Variants in EDA observed in about 807,000 individuals in gnomAD.
EDA encodes ectodysplasin A.
EDA carries 2 observed loss-of-function variants against 23.6 expected under a neutral mutation model. The observed-to-expected ratio is 0.08, with a 90% CI of 0.03 to 0.27. The LOEUF is 0.27. EDA is among the 10% of genes least tolerant of loss of function. EDA has a pLI of 1.00. For missense variants in EDA, 229 were observed against 324.2 expected (o/e 0.71, Z 2.26); for synonymous variants, 131 against 132.0 (o/e 0.99, Z 0.05).
chrX:69,913,015 G>C (rs1202788189), intron 1 of EDA, among the ~76,000 whole-genome samples: 1 of 111,262 alleles, frequency 9.0e-6, no homozygotes, highest in Admixed American at 9.6e-5. Context: ...TGATCTAACT[G>C]CCTCAGCCTC....
intron 1 of EDA, among the ~76,000 whole-genome samples, chrX:69,873,677 T>G (rs763865768): frequency 8.9e-6 from 1 of 111,771 alleles, no homozygotes; most frequent in Non-Finnish European, 1.9e-5. Context: ...AGAATTGAAA[T>G]GATAATTTAA....
chrX:70,014,388 C>T (rs979435878), intron 2 of EDA, among the ~76,000 whole-genome samples: 1 of 112,767 alleles, frequency 8.9e-6, no homozygotes, highest in East Asian at 2.8e-4. Flanking sequence ...GAAGACCTAG[C>T]GCAAAGCCTC....
At chrX:69,816,168 G>A (rs755613992) in intron 1 of EDA, among the ~76,000 whole-genome samples, 1 of 111,413 alleles carries the variant, frequency 9.0e-6, no homozygotes, top group South Asian at 3.9e-4. Context: ...CAACAAAAAG[G>A]ACCCCACAAA....
chrX:69,933,600 C>T (rs185782356), intron 1 of EDA, among the ~76,000 whole-genome samples: 89 of 110,732 alleles, frequency 8.0e-4, no homozygotes, highest in African/African-American at 2.9e-3. Context: ...TCGCTTGAAC[C>T]CGGGAGGCAG....
At chrX:69,654,201 C>T (rs1933213300) in intron 1 of EDA, among the ~76,000 whole-genome samples, 1 of 111,972 alleles carries the variant, frequency 8.9e-6, no homozygotes, top group South Asian at 3.7e-4. Context: ...AAAAAATGCT[C>T]ATCATCACTG....
intron 7 of EDA, 141 bp from the exon 8 acceptor site, chrX:70,035,217 G>A (rs945602235): frequency 3.9e-5 from 27 of 687,721 alleles, no homozygotes; most frequent in Non-Finnish European, 5.9e-5. Context: ...TGGCCAGCTA[G>A]CACGCCTTCA....
At chrX:69,817,026 C>A (rs965486938) in intron 1 of EDA, among the ~76,000 whole-genome samples, 1 of 111,513 alleles carries the variant, frequency 9.0e-6, no homozygotes, top group African/African-American at 3.3e-5. Flanking sequence ...TCAGTGGAAA[C>A]CCTAAAAAGC....
At chrX:69,842,795 G>A in intron 1 of EDA, among the ~76,000 whole-genome samples, 1 of 111,124 alleles carries the variant, frequency 9.0e-6, no homozygotes, top group East Asian at 2.8e-4. Context: ...AACAAGATCT[G>A]GTTGTGTAAA....
intron 1 of EDA, among the ~76,000 whole-genome samples, chrX:69,704,672 G>T: frequency 9.1e-6 from 1 of 110,118 alleles, no homozygotes; most frequent in Non-Finnish European, 1.9e-5. Context: ...GATAAGGTGG[G>T]GACTACTGTA....
In EDA at chrX:69,749,882, T is replaced by C. The variant is rs1213286037; in HGVS notation, c.396+133178T>C. 2.8e-5 allele frequency: 3 copies of C among 107,021 alleles called. 1 individual carries two copies. The Admixed American group carries it at 3.0e-4, about 11-fold the overall frequency. 8.8% of individuals were successfully genotyped at this position (107,021 alleles called of 1,213,427 possible). ...GAAGTTCATTATGAATCCCAATGTG[T>C]CTTTTAGAAACTTTTTAGAAACTTC... On this transcript the variant is annotated intron_variant, in intron 1 of 7. Transcript: ENST00000374552.
chrX:69,751,143 G>T (rs371967316), intron 1 of EDA, among the ~76,000 whole-genome samples: 25 of 109,016 alleles, frequency 2.3e-4, no homozygotes, highest in South Asian at 3.9e-4. Flanking sequence ...TCTTCTAGGG[G>T]TTTTATGGTT....
intron 1 of EDA, among the ~76,000 whole-genome samples, chrX:69,843,761 G>A (rs1444374459): frequency 9.0e-6 from 1 of 111,342 alleles, no homozygotes; most frequent in African/African-American, 3.3e-5. Flanking sequence ...GGTGGCTCAC[G>A]CCTGTAATCC....
intron 1 of EDA, among the ~76,000 whole-genome samples, chrX:69,756,090 C>T (rs2014106608): frequency 8.9e-6 from 1 of 112,236 alleles, no homozygotes; most frequent in Admixed American, 9.4e-5. Context: ...AAGCGGGTAC[C>T]TCAGTTGGAA....
chrX:69,616,141 C>T lies in EDA; in HGVS notation c.-168C>T. On this transcript the variant is annotated 5_prime_UTR_variant, in exon 1 of 8. Coordinates refer to ENST00000374552, the MANE Select transcript of EDA (RefSeq NM_001399.5). ...TTTCCCACCCCTCGGAGTAGAGCTGCACATGCGGCTGCTCCCTGCTCCGTC... is the reference window on the plus strand; with the variant it reads ...TTTCCCACCCCTCGGAGTAGAGCTGTACATGCGGCTGCTCCCTGCTCCGTC... The T allele has an allele frequency of 2.1e-6, 1 of 484,953 alleles. No homozygotes were observed. Among genetic ancestry groups the T allele is most frequent in the Non-Finnish European group, 3.4e-6 (1 of 293,539 alleles). 40.0% of individuals were successfully genotyped at this position (484,953 alleles called of 1,213,427 possible).
Position 69,679,305 on chromosome X carries a change from C to A in EDA, c.396+62601C>A, listed in dbSNP as rs1325944915. 2.9e-5 allele frequency among the ~76,000 whole-genome samples: 3 copies of A among 103,958 alleles called. No individual in the cohort carries two copies. The Admixed American group carries it at 3.1e-4, about 11-fold the overall frequency. 90.3% of individuals were successfully genotyped at this position (103,958 alleles called of 115,157 possible). A position where few individuals can be genotyped will look rare whatever the true frequency, so the allele number is the denominator to read the frequency against. Reference sequence around the variant, plus strand: ...TCTCTTTTTTGGTTGTGTCTCTGCCCGGCTTTTGTATCAGGATGATGCTGG... The same window carrying A: ...TCTCTTTTTTGGTTGTGTCTCTGCCAGGCTTTTGTATCAGGATGATGCTGG... On this transcript the variant is annotated intron_variant, in intron 1 of 7. Transcript: ENST00000374552.
intron 1 of EDA, among the ~76,000 whole-genome samples, chrX:69,635,226 GTGTGATCTCTTTTAAAT>G (rs1932751905): frequency 8.9e-6 from 1 of 111,802 alleles, no homozygotes; most frequent in African/African-American, 3.3e-5. Flanking sequence ...TATTCTCCCA[GTGTGATCTCTTTTAAAT>G]TCATGGCTTT....
At chrX:69,779,142 G>T (rs952528363) in intron 1 of EDA, among the ~76,000 whole-genome samples, 3 of 111,306 alleles carry the variant, frequency 2.7e-5, no homozygotes, top group Non-Finnish European at 5.7e-5. Context: ...TTAAATATAG[G>T]ATTACCATAT....
intron 1 of EDA, among the ~76,000 whole-genome samples, chrX:69,686,782 T>C (rs1361524429): frequency 1.8e-5 from 2 of 112,058 alleles, no homozygotes; most frequent in African/African-American, 3.2e-5. Flanking sequence ...TATGGTTGAA[T>C]GATATTCTAT....
intron 1 of EDA, among the ~76,000 whole-genome samples, chrX:69,825,545 T>C: frequency 8.9e-6 from 1 of 111,966 alleles, no homozygotes; most frequent in Non-Finnish European, 1.9e-5. Context: ...TGTGGTGATA[T>C]CCCCTTTATC....
Sources: allele counts gnomAD v4.1 joint callset (sites outside exome capture counted in the v4.1 genomes callset), GRCh38; gene constraint gnomAD v4.1.1; transcripts MANE v1.5; gene names NCBI Gene and HGNC (gene_info 2026-07-23, HGNC 2026-07-21).